Variants in FAM184A observed in about 807,000 individuals in gnomAD.
FAM184A encodes the protein family with sequence similarity 184 member A.
A neutral mutation model predicts 143.8 loss-of-function variants in FAM184A; 99 were observed. The ratio of observed to expected loss-of-function variants is 0.69; its 90% CI spans 0.58 to 0.81. The LOEUF (loss-of-function observed/expected upper bound fraction) is 0.81, where lower values mean the gene tolerates loss of function less well. FAM184A is among the 40% of genes least tolerant of loss of function. The probability of loss-of-function intolerance (pLI) is 0.00; values close to 1 mark genes in which losing one functional copy is unlikely to be tolerated. For missense variants in FAM184A, 1,217 were observed against 1,310.5 expected (o/e 0.93, Z 1.10); for synonymous variants, 427 against 446.4 (o/e 0.96, Z 0.55).
rs377057105 is a variant in FAM184A at position 119,011,344 on chromosome 6, C to T, written c.1618G>A (p.Val540Ile). 70 of 1,609,476 alleles carry T rather than the reference C, an allele frequency of 4.3e-5. No individual in the cohort carries two copies. Among genetic ancestry groups the T allele is most frequent in the Middle Eastern group, 3.3e-4 (2 of 6,040 alleles). The change falls in exon 6 of 18, where the codon GTA (valine) becomes ATA (isoleucine). Residue 540 changes from valine to isoleucine, a missense_variant. Physicochemically the swap from Val to Ile is conservative, Grantham distance 29. Transcript: ENST00000338891. Reference protein sequence around the residue: ...LQQELENLKEVLEDKLNTANQ... With the variant: ...LQQELENLKEILEDKLNTANQ... Reference sequence around the variant, plus strand: ...GCTGTATTCAACTTGTCTTCCAGTACTTCCTTTAGGTTTTCTAGCTCTTGT... The same window carrying T: ...GCTGTATTCAACTTGTCTTCCAGTATTTCCTTTAGGTTTTCTAGCTCTTGT...
intron 1 of FAM184A, among the ~76,000 whole-genome samples, chr6:119,042,352 G>A (rs1197930608): frequency 6.6e-6 from 1 of 152,204 alleles, no homozygotes; most frequent in African/African-American, 2.4e-5. Flanking sequence ...TTCCTCGGAT[G>A]CATTCCCCAA....
chr6:119,082,581 A>G (rs1788102881), upstream of FAM184A, among the ~76,000 whole-genome samples: 1 of 152,258 alleles, frequency 6.6e-6, no homozygotes, highest in African/African-American at 2.4e-5. Context: ...CACAGGCCCC[A>G]TGCAAGTGTG....
intron 6 of FAM184A, among the ~76,000 whole-genome samples, chr6:119,008,795 C>T (rs755531287): frequency 4.6e-5 from 7 of 152,154 alleles, no homozygotes; most frequent in East Asian, 1.9e-4. Flanking sequence ...AATATGGACA[C>T]GAGCATAAGC....
intron 11 of FAM184A, 65 bp downstream of exon 11, chr6:118,979,300 T>A: frequency 1.4e-6 from 2 of 1,453,698 alleles, no homozygotes; most frequent in South Asian, 1.4e-5. Flanking sequence ...TGATTTTATG[T>A]TGAATTTAAA....
intron 1 of FAM184A, among the ~76,000 whole-genome samples, chr6:119,065,209 T>G (rs1298295123): frequency 6.6e-6 from 1 of 152,216 alleles, no homozygotes; most frequent in Non-Finnish European, 1.5e-5. Flanking sequence ...GAAAAGACTA[T>G]GGCTTCCATC....
At position 118,991,948 on chromosome 6, in the gene FAM184A, T is replaced by A. The variant is rs9401112; in HGVS notation, c.2088+10951A>T. ...CGGCTAATTTTTTGTATTTTTTTAG[T>A]AGAGACGGGGTTTCACCATGTTAGC... On this transcript the variant is annotated intron_variant, in intron 9 of 17. Coordinates refer to ENST00000338891, the MANE Select transcript of FAM184A (RefSeq NM_024581.6). 3.9e-3 allele frequency among the ~76,000 whole-genome samples: 591 copies of A among 151,600 alleles called. 11 individuals carry two copies. Among genetic ancestry groups the A allele is most frequent in the East Asian group, 0.038 (196 of 5,128 alleles).
At chr6:119,136,383 G>A (rs1333902563) in intron 1 of FAM184A, among the ~76,000 whole-genome samples, 1 of 143,380 alleles carries the variant, frequency 7.0e-6, no homozygotes, top group Admixed American at 7.0e-5. Flanking sequence ...TAAAATTCTT[G>A]CCCAATTATA....
At chr6:118,986,661 T>C (rs969091014) in intron 9 of FAM184A, among the ~76,000 whole-genome samples, 6 of 152,230 alleles carry the variant, frequency 3.9e-5, no homozygotes, top group African/African-American at 1.4e-4. Flanking sequence ...TAATAGGCAA[T>C]TTCAATAAGG....
Position 118,975,929 on chromosome 6 carries a change from G to C in FAM184A, c.2571C>G (p.Ile857Met). 1 of 1,612,634 alleles carries C rather than the reference G, an allele frequency of 6.2e-7. No individual in the cohort carries two copies. Among genetic ancestry groups the C allele is most frequent in the South Asian group, 1.1e-5 (1 of 91,008 alleles). Residue 857 changes from isoleucine to methionine, a missense_variant, in exon 12 of 18, where the codon ATC becomes ATG. Coordinates refer to ENST00000338891, the MANE Select transcript of FAM184A (RefSeq NM_024581.6). ...AKMELERSID[I>M]SRRQSKEHIC... ...TACTCTTACTTACCTGTCTTCTGCT[G>C]ATGTCTATGCTTCTCTCTAATTCCA...
At chr6:119,148,817 T>G (rs1772544465) in intron 1 of FAM184A, among the ~76,000 whole-genome samples, 1 of 151,844 alleles carries the variant, frequency 6.6e-6, no homozygotes, top group Admixed American at 6.6e-5. Context: ...TTAATGAATG[T>G]CAGAAAAGTG....
chr6:118,972,799 AGTG>A (rs1415011135), intron 14 of FAM184A, among the ~76,000 whole-genome samples: 1 of 152,140 alleles, frequency 6.6e-6, no homozygotes, highest in Non-Finnish European at 1.5e-5. Flanking sequence ...CGGAGCATGA[AGTG>A]GGGGATGCCA....
In FAM184A at chr6:119,078,275, G is replaced by C; in HGVS notation, c.25C>G (p.Gln9Glu). The C allele has an allele frequency of 6.6e-7, 1 of 1,513,210 alleles. No individual in the cohort carries two copies. Among genetic ancestry groups the C allele is most frequent in the Non-Finnish European group, 8.8e-7 (1 of 1,134,704 alleles). The allele number at this position is 1,513,210 out of a possible 1,614,324, so 93.7% of individuals were successfully genotyped here. The change falls in exon 1 of 18, where the codon CAG becomes GAG. Residue 9 changes from glutamine (Q) to glutamate (E), a missense_variant. Coordinates refer to ENST00000338891, the MANE Select transcript of FAM184A (RefSeq NM_024581.6). The surrounding 1 kb of genome is among the most constrained non-coding windows in gnomAD (Gnocchi z 5.5). Reference protein sequence around the residue: MATPGMSWQQHYYGGSAAK... With the variant: MATPGMSWEQHYYGGSAAK... ...GCCGAGCCGCCGTAATAGTGCTGCT[G>C]CCAGCTCATGCCCGGGGTCGCCATC...
chr6:119,004,556 T>C (rs1199882566), intron 7 of FAM184A, among the ~76,000 whole-genome samples: 2 of 152,196 alleles, frequency 1.3e-5, no homozygotes, highest in East Asian at 3.8e-4. Context: ...AAGGCAACAT[T>C]AAACGGAGTA....
intron 1 of FAM184A, among the ~76,000 whole-genome samples, chr6:119,099,227 G>A (rs897748147): frequency 5.3e-5 from 8 of 152,042 alleles, no homozygotes; most frequent in African/African-American, 1.5e-4. Flanking sequence ...TCTCTTCATC[G>A]TATCCTTCGC....
chr6:119,028,977 T>C (rs1480084587), intron 1 of FAM184A, among the ~76,000 whole-genome samples: 1 of 152,062 alleles, frequency 6.6e-6, no homozygotes, highest in Non-Finnish European at 1.5e-5. Context: ...TGACCAGAGG[T>C]GAGGTGTTAT....
intron 9 of FAM184A, among the ~76,000 whole-genome samples, chr6:118,991,153 T>A (rs916304532): frequency 3.3e-5 from 5 of 151,916 alleles, no homozygotes; most frequent in Admixed American, 6.6e-5. Flanking sequence ...ATATTTTATT[T>A]TATTTTTTAA....
chr6:118,990,736 T>A (rs1179884986), intron 9 of FAM184A, among the ~76,000 whole-genome samples: 1 of 143,704 alleles, frequency 7.0e-6, no homozygotes, highest in African/African-American at 2.6e-5. Context: ...AAAAAAAAAA[T>A]TAGCCAGGAG....
At chr6:118,992,696 G>A (rs1422051502) in intron 9 of FAM184A, among the ~76,000 whole-genome samples, 1 of 152,140 alleles carries the variant, frequency 6.6e-6, no homozygotes, top group Admixed American at 6.5e-5. Flanking sequence ...GAAGGCCGAG[G>A]CGGGAGGACT....
intron 9 of FAM184A, among the ~76,000 whole-genome samples, chr6:118,984,703 GAAAGAAT>G (rs1353238583): frequency 4.6e-5 from 7 of 152,268 alleles, no homozygotes; most frequent in Admixed American, 3.9e-4. Context: ...TTACAAAAGT[GAAAGAAT>G]ACAGAAAGTA....
Sources: gnomAD v4.1 joint callset for allele counts (sites outside exome capture counted in the v4.1 genomes callset) on GRCh38, gnomAD v4.1.1 for gene constraint, Gnocchi (gnomAD v3.1) non-coding constraint, MANE v1.5 for transcripts, NCBI Gene and HGNC (gene_info 2026-07-23, HGNC 2026-07-21) for gene names.